The following SMPD3 variants were observed in gnomAD, a reference collection of about 807,000 sequenced individuals.
The protein encoded by SMPD3 is nSMase-2.
In SMPD3, 21 loss-of-function variants were observed where a neutral mutation model predicts 55.7. The ratio of observed to expected loss-of-function variants is 0.38; its 90% CI spans 0.27 to 0.54. The LOEUF is 0.54. Ranked by LOEUF, SMPD3 falls within the 20% of genes least tolerant of loss-of-function variation. The pLI is 0.80. For missense variants in SMPD3, 842 were observed against 899.6 expected (o/e 0.94, Z 0.82); for synonymous variants, 457 against 404.3 (o/e 1.13, Z -1.56).
chr16:68,361,796 C>G (rs1210838703), intron 7 of SMPD3, 37 bp from the exon 8 acceptor site: 1 of 1,603,928 alleles, frequency 6.2e-7, no homozygotes, highest in Non-Finnish European at 8.5e-7. Flanking sequence ...GGCCCCCATG[C>G]CCGCCCCTGT....
chr16:68,372,343 G>A lies in SMPD3; in HGVS notation c.-162C>T. 1 of 944,140 alleles carries A rather than the reference G, an allele frequency of 1.1e-6. No homozygotes were observed. Among genetic ancestry groups the A allele is most frequent in the Non-Finnish European group, 1.6e-6 (1 of 628,342 alleles). The allele number at this position is 944,140 out of a possible 1,614,324, so 58.5% of individuals were successfully genotyped here. A position where few individuals can be genotyped will look rare whatever the true frequency, so the allele number is the denominator to read the frequency against. On this transcript the variant is annotated 5_prime_UTR_variant, in exon 3 of 9. Coordinates refer to ENST00000219334, the MANE Select transcript of SMPD3 (RefSeq NM_018667.4). ...GTCAATGGCGAATGTTGGCCAGCCGGTCATGGTTCACCTCGGTGGGCCATG... is the reference window on the plus strand; with the variant it reads ...GTCAATGGCGAATGTTGGCCAGCCGATCATGGTTCACCTCGGTGGGCCATG...
rs1170144042 is a variant in SMPD3 at position 68,447,234 on chromosome 16, G to A, written c.-269+1119C>T. ...GCGCGTCCTGGAAGCAGGTCCCCGA[G>A]CCTCGGTTTGGGGTGCGCCCTGCAT... On this transcript the variant is annotated intron_variant, in intron 1 of 8. Coordinates refer to ENST00000219334, the MANE Select transcript of SMPD3 (RefSeq NM_018667.4). The surrounding 1 kb of genome is among the most constrained non-coding windows in gnomAD (Gnocchi z 5.1). 6.6e-6 allele frequency among the ~76,000 whole-genome samples: 1 copy of A among 152,206 alleles called. No individual in the cohort carries two copies. Among genetic ancestry groups the A allele is most frequent in the Non-Finnish European group, 1.5e-5 (1 of 68,020 alleles).
At chr16:68,376,079 G>C (rs1269780989) in intron 2 of SMPD3, among the ~76,000 whole-genome samples, 1 of 152,204 alleles carries the variant, frequency 6.6e-6, no homozygotes, top group Non-Finnish European at 1.5e-5. Flanking sequence ...AAGGCTCTGT[G>C]GTTAATTATC....
At chr16:68,389,225 G>A (rs1022918225) in intron 1 of SMPD3, among the ~76,000 whole-genome samples, 19 of 152,206 alleles carry the variant, frequency 1.2e-4, no homozygotes, top group African/African-American at 4.3e-4. Flanking sequence ...AAAGTGGGCC[G>A]TTTACCTAGC....
At chr16:68,365,663 C>T (rs556621619) in intron 3 of SMPD3, among the ~76,000 whole-genome samples, 90 of 152,274 alleles carry the variant, frequency 5.9e-4, no homozygotes, top group African/African-American at 1.8e-3. Context: ...CGTTGTCACC[C>T]GTCTTGGATG....
chr16:68,361,325 G>C lies in SMPD3; in HGVS notation c.1867-18C>G. The C allele has an allele frequency of 6.3e-7, 1 of 1,599,372 alleles. No individual in the cohort carries two copies. On this transcript the variant is annotated intron_variant, in intron 8 of 8. Transcript: ENST00000219334. ...TCCACCTCCTGGGGTGAGTGGGAGA[G>C]GGGAGAAACAGCCTGGTCAGATTCC...
intron 2 of SMPD3, among the ~76,000 whole-genome samples, chr16:68,380,758 A>G (rs1422914055): frequency 6.6e-6 from 1 of 152,238 alleles, no homozygotes; most frequent in African/African-American, 2.4e-5. Context: ...AATATGCTTT[A>G]CTTAAGAGGG....
At chr16:68,422,865 T>C (rs2090406596) in intron 1 of SMPD3, among the ~76,000 whole-genome samples, 1 of 152,188 alleles carries the variant, frequency 6.6e-6, no homozygotes. Context: ...TGAGGATCTC[T>C]GAGGTCCTTT....
At position 68,365,104 on chromosome 16, in the gene SMPD3, G is replaced by A. The variant is rs548652833; in HGVS notation, c.1324-12C>T. 4 of 1,613,748 alleles carry A rather than the reference G, an allele frequency of 2.5e-6. No individual in the cohort carries two copies. The highest frequency in any genetic ancestry group is 2.2e-5 in the South Asian group (2 of 91,068). ...CTTCCCACCTGCACCTGGGGGAGGA[G>A]GGGGTCAGTGCTGCCACCTGCCAGT... On this transcript the variant is annotated splice_polypyrimidine_tract_variant and intron_variant, in intron 3 of 8. Coordinates refer to ENST00000219334, the MANE Select transcript of SMPD3 (RefSeq NM_018667.4).
At chr16:68,361,935 C>G (rs537740091) in intron 7 of SMPD3, among the ~76,000 whole-genome samples, 176 bp from the exon 8 acceptor site, 1 of 152,154 alleles carries the variant, frequency 6.6e-6, no homozygotes, top group Admixed American at 6.5e-5. Context: ...GGGGGTAGGC[C>G]GAGTTGCCTG....
intron 2 of SMPD3, among the ~76,000 whole-genome samples, chr16:68,385,394 G>A (rs113909567): frequency 6.6e-6 from 1 of 152,036 alleles, no homozygotes; most frequent in Non-Finnish European, 1.5e-5. Context: ...CCTTCTTGTC[G>A]ATCCCCCTCG....
At chr16:68,405,545 C>CAAAAAAAAAA (rs67518521) in intron 1 of SMPD3, among the ~76,000 whole-genome samples, 26 of 72,896 alleles carry the variant, frequency 3.6e-4, no homozygotes, top group Non-Finnish European at 4.8e-4. Flanking sequence ...GACCCTGTCT[C>CAAAAAAAAAA]AAAAAAAAAA....
chr16:68,437,026 G>A (rs1207542548), intron 1 of SMPD3, among the ~76,000 whole-genome samples: 1 of 152,206 alleles, frequency 6.6e-6, no homozygotes, highest in Non-Finnish European at 1.5e-5. Context: ...GAGGCGTGAG[G>A]AAGCACCCAG....
intron 1 of SMPD3, among the ~76,000 whole-genome samples, chr16:68,434,260 A>G (rs1318752798): frequency 6.6e-6 from 1 of 152,242 alleles, no homozygotes; most frequent in Non-Finnish European, 1.5e-5. Flanking sequence ...ATGTAAATTT[A>G]TGCCCACAAC....
chr16:68,448,089 CG>C (rs2090624303), intron 1 of SMPD3, among the ~76,000 whole-genome samples: 1 of 152,146 alleles, frequency 6.6e-6, no homozygotes, highest in Non-Finnish European at 1.5e-5. Context: ...CAAGCCTCCT[CG>C]CTCTCCCAGG....
At chr16:68,379,536 T>A (rs2089900430) in intron 2 of SMPD3, among the ~76,000 whole-genome samples, 1 of 152,208 alleles carries the variant, frequency 6.6e-6, no homozygotes, top group Admixed American at 6.5e-5. Context: ...AGTCTCCTCC[T>A]CTTGAGGCTG....
chr16:68,446,662 C>T (rs987097794), intron 1 of SMPD3, among the ~76,000 whole-genome samples: 4 of 152,188 alleles, frequency 2.6e-5, no homozygotes, highest in Non-Finnish European at 5.9e-5. Flanking sequence ...TAAACACATC[C>T]CCTCCCCAGA....
chr16:68,368,885 C>T (rs2089569208), intron 3 of SMPD3: 1 of 152,178 alleles, frequency 6.6e-6, no homozygotes, highest in South Asian at 2.1e-4. Context: ...GCTGAGAGAA[C>T]CTGCAAACCG....
At chr16:68,413,735 A>G (rs1440382492) in intron 1 of SMPD3, among the ~76,000 whole-genome samples, 1 of 152,146 alleles carries the variant, frequency 6.6e-6, no homozygotes, top group Non-Finnish European at 1.5e-5. Context: ...CTGTGTGTTA[A>G]ATTCCTGTTT....
Sources: allele counts gnomAD v4.1 joint callset (sites outside exome capture counted in the v4.1 genomes callset), GRCh38; gene constraint gnomAD v4.1.1; non-coding constraint Gnocchi (gnomAD v3.1); transcripts MANE v1.5; gene names NCBI Gene and HGNC (gene_info 2026-07-23, HGNC 2026-07-21).